PCDHGB6: variants seen among roughly 807,000 people sequenced by gnomAD.
PCDHGB6 encodes protocadherin gamma-B6.
Under a neutral mutation model 59.1 loss-of-function variants are expected in PCDHGB6, and 51 were observed. The ratio of observed to expected loss-of-function variants is 0.86; its 90% CI spans 0.69 to 1.09. The LOEUF (loss-of-function observed/expected upper bound fraction) is 1.09. Ranked by LOEUF, PCDHGB6 falls within the 50% of genes least tolerant of loss-of-function variation. The pLI is 0.00. For missense variants in PCDHGB6, 1,148 were observed against 1,205.1 expected (o/e 0.95, Z 0.70); for synonymous variants, 466 against 495.1 (o/e 0.94, Z 0.78).
chr5:141,476,756 C>T lies in PCDHGB6; in HGVS notation c.2419-18051C>T. On this transcript the variant is annotated intron_variant, in intron 1 of 3. Transcript: ENST00000520790. The surrounding 1 kb of genome is among the most constrained non-coding windows in gnomAD (Gnocchi z 7.6). ...ACGGGAGCCTAGTCTCCAGTTAGTGCTGACGGCGTTGGACGGAGGGACCCC... is the reference window on the plus strand; with the variant it reads ...ACGGGAGCCTAGTCTCCAGTTAGTGTTGACGGCGTTGGACGGAGGGACCCC... 3 of 1,613,928 alleles carry T rather than the reference C, an allele frequency of 1.9e-6. No homozygotes were observed. Among genetic ancestry groups the T allele is most frequent in the Non-Finnish European group, 2.5e-6 (3 of 1,180,010 alleles).
At position 141,491,952 on chromosome 5, in the gene PCDHGB6, C is replaced by A; in HGVS notation, c.2419-2855C>A. 9.4e-7 allele frequency: 1 copy of A among 1,062,954 alleles called. No homozygotes were observed. The allele number at this position is 1,062,954 out of a possible 1,614,324, so 65.8% of individuals were successfully genotyped here. On this transcript the variant is annotated intron_variant, in intron 1 of 3. Coordinates refer to ENST00000520790, the MANE Select transcript of PCDHGB6 (RefSeq NM_018926.3). The surrounding 1 kb of genome is among the most constrained non-coding windows in gnomAD (Gnocchi z 6.9). ...GGTGGGACCGACCCCCACCCCTACA[C>A]TCAAAAAAGGCCGGGGCCTCCTTCG...
intron 1 of PCDHGB6, among the ~76,000 whole-genome samples, chr5:141,484,837 T>C (rs1289449270): frequency 6.6e-6 from 1 of 151,620 alleles, no homozygotes; most frequent in Non-Finnish European, 1.5e-5. Context: ...GGCGAAAAGA[T>C]AGGCTGGGTT....
At chr5:141,413,488 C>G in intron 1 of PCDHGB6, 1 of 1,613,986 alleles carries the variant, frequency 6.2e-7, no homozygotes, top group Non-Finnish European at 8.5e-7. Context: ...TCAGAGCGCG[C>G]GGTGCGTGGT....
intron 1 of PCDHGB6, among the ~76,000 whole-genome samples, chr5:141,424,873 A>G (rs549945556): frequency 3.9e-5 from 6 of 152,198 alleles, no homozygotes; most frequent in Non-Finnish European, 8.8e-5. Context: ...CAAATGAGGA[A>G]AGGAGACTTA....
At chr5:141,430,252 A>C (rs1292590200) in intron 1 of PCDHGB6, among the ~76,000 whole-genome samples, 1 of 102,244 alleles carries the variant, frequency 9.8e-6, no homozygotes, top group Admixed American at 1.0e-4. Context: ...CTAGGGAGAC[A>C]TCTCCATAAT....
chr5:141,503,598 CAAAA>C (rs765754054), intron 2 of PCDHGB6, among the ~76,000 whole-genome samples: 2 of 65,756 alleles, frequency 3.0e-5, no homozygotes. Flanking sequence ...GACTCCAGCT[CAAAA>C]AAAAAAAAAA....
chr5:141,478,801 T>G (rs2099477985), intron 1 of PCDHGB6: 1 of 1,463,438 alleles, frequency 6.8e-7, no homozygotes, highest in African/African-American at 1.4e-5. Flanking sequence ...TCAGCACTCT[T>G]TTGCTATCAC....
intron 1 of PCDHGB6, among the ~76,000 whole-genome samples, chr5:141,452,803 A>G (rs1045171800): frequency 2.6e-5 from 4 of 152,186 alleles, no homozygotes; most frequent in African/African-American, 9.7e-5. Context: ...TTTTTGCTGT[A>G]GTTTGTTCAT....
rs1230717990 is a variant in PCDHGB6, at chr5:141,431,707, G to A, written c.2418+21087G>A. The A allele has an allele frequency of 6.2e-7, 1 of 1,614,232 alleles. No homozygotes were observed. Among genetic ancestry groups the A allele is most frequent in the South Asian group, 1.1e-5 (1 of 91,088 alleles). On this transcript the variant is annotated intron_variant, in intron 1 of 3. Coordinates refer to ENST00000520790, the MANE Select transcript of PCDHGB6 (RefSeq NM_018926.3). This position sits in a 1 kb window ranked among gnomAD's most constrained non-coding sequence, Gnocchi z 4.8. ...ACCACGAGGAGTCAGGATTCTACCAGATGGAAGTGCAAGCAATGGATAATG... is the reference window on the plus strand; with the variant it reads ...ACCACGAGGAGTCAGGATTCTACCAAATGGAAGTGCAAGCAATGGATAATG...
intron 1 of PCDHGB6, chr5:141,412,993 G>T (rs1401025160): frequency 1.2e-5 from 7 of 574,186 alleles, no homozygotes; most frequent in Non-Finnish European, 1.8e-5. Context: ...GCTCAATCCG[G>T]ATTCTCAGGG....
intron 1 of PCDHGB6, chr5:141,421,621 C>T (rs2154549322): frequency 6.2e-7 from 1 of 1,613,772 alleles, no homozygotes; most frequent in Non-Finnish European, 8.5e-7. Flanking sequence ...TGATAACGCC[C>T]CCAGCTTCCA....
At chr5:141,443,317 C>CA (rs35054295) in intron 1 of PCDHGB6, among the ~76,000 whole-genome samples, 76,100 of 141,790 alleles carry the variant, frequency 0.54, 21,234 homozygotes, top group African/African-American at 0.75. Flanking sequence ...CCCATCTCTA[C>CA]AAAAAAAAAA....
At chr5:141,505,028 G>A (rs2099842951) in intron 2 of PCDHGB6, among the ~76,000 whole-genome samples, 1 of 152,164 alleles carries the variant, frequency 6.6e-6, no homozygotes, top group Admixed American at 6.5e-5. Flanking sequence ...CTGGCACAGT[G>A]GCAGGTGCCT....
At chr5:141,423,982 T>C in intron 1 of PCDHGB6, 3 of 1,106,134 alleles carry the variant, frequency 2.7e-6, no homozygotes, top group Non-Finnish European at 3.4e-6. Flanking sequence ...TGTATGAGGC[T>C]CTCAATTTAT....
chr5:141,432,271 C>T lies in PCDHGB6; in HGVS notation c.2418+21651C>T. On this transcript the variant is annotated intron_variant, in intron 1 of 3. Transcript: ENST00000520790. The surrounding 1 kb of genome is among the most constrained non-coding windows in gnomAD (Gnocchi z 6.0). ...TCCAAGGGGCAAGCCTATCGTCCTA[C>T]GTGTCCATCAACTCCGACACTGGGG... is the stretch of plus-strand genomic sequence containing the variant. The T allele has an allele frequency of 6.2e-7, 1 of 1,614,264 alleles. No individual in the cohort carries two copies. Among genetic ancestry groups the T allele is most frequent in the Non-Finnish European group, 8.5e-7 (1 of 1,180,050 alleles).
intron 1 of PCDHGB6, among the ~76,000 whole-genome samples, chr5:141,429,903 T>C (rs1276564046): frequency 2.0e-5 from 3 of 152,252 alleles, no homozygotes; most frequent in African/African-American, 7.2e-5. Flanking sequence ...TAAATATTTT[T>C]GAAATATAAT....
intron 1 of PCDHGB6, among the ~76,000 whole-genome samples, chr5:141,437,052 T>A (rs986734485): frequency 6.6e-5 from 10 of 152,258 alleles, no homozygotes; most frequent in Non-Finnish European, 1.3e-4. Flanking sequence ...AGAAGGCTGG[T>A]GATCATTATT....
intron 2 of PCDHGB6, among the ~76,000 whole-genome samples, chr5:141,502,048 ACTTTATTCC>A (rs1055762924): frequency 6.6e-5 from 10 of 151,746 alleles, no homozygotes; most frequent in African/African-American, 2.4e-4. Context: ...TGCTCTCCCT[ACTTTATTCC>A]CATTAGCCCC....
At chr5:141,433,612 G>A (rs1181458593) in intron 1 of PCDHGB6, among the ~76,000 whole-genome samples, 1 of 152,082 alleles carries the variant, frequency 6.6e-6, no homozygotes, top group Non-Finnish European at 1.5e-5. Context: ...GAGGCGGGTG[G>A]ATCACCTGAG....
Sources: allele counts gnomAD v4.1 joint callset (sites outside exome capture counted in the v4.1 genomes callset), GRCh38; gene constraint gnomAD v4.1.1; non-coding constraint Gnocchi (gnomAD v3.1); transcripts MANE v1.5; gene names NCBI Gene and HGNC (gene_info 2026-07-23, HGNC 2026-07-21).